The following GALNT17 variants were observed in gnomAD, a reference collection of about 807,000 sequenced individuals.
The protein encoded by GALNT17 is polypeptide N-acetylgalactosaminyltransferase 17.
GALNT17 carries 29 observed loss-of-function variants against 63.7 expected under a neutral mutation model. The observed-to-expected ratio is 0.46, with a 90% CI of 0.34 to 0.62. GALNT17 has a LOEUF of 0.62. GALNT17 is among the 20% of genes least tolerant of loss of function. The pLI is 0.01. For synonymous variants in GALNT17, 305 were observed against 318.3 expected, an observed-to-expected ratio of 0.96 and a Z score of 0.45; for missense variants, 603 against 799.6, an observed-to-expected ratio of 0.75 and a Z score of 2.97.
At chr7:71,255,814 A>G (rs1790278699) in intron 1 of GALNT17, among the ~76,000 whole-genome samples, 1 of 152,156 alleles carries the variant, frequency 6.6e-6, no homozygotes, top group Non-Finnish European at 1.5e-5. Context: ...GACTAGATAC[A>G]TCTGCTGTAA....
intron 2 of GALNT17, among the ~76,000 whole-genome samples, chr7:71,340,860 C>T (rs573546952): frequency 6.6e-6 from 1 of 152,096 alleles, no homozygotes; most frequent in African/African-American, 2.4e-5. Flanking sequence ...ATGGTGAAAC[C>T]CTGTCTCTAC....
At chr7:71,410,666 A>G (rs746539635) in intron 3 of GALNT17, among the ~76,000 whole-genome samples, 6 of 152,230 alleles carry the variant, frequency 3.9e-5, no homozygotes, top group Non-Finnish European at 5.9e-5. Flanking sequence ...ATATCACTGA[A>G]AGTGCGGGAT....
chr7:71,636,248 A>G (rs1420191209), intron 6 of GALNT17, among the ~76,000 whole-genome samples: 1 of 152,204 alleles, frequency 6.6e-6, no homozygotes, highest in African/African-American at 2.4e-5. Flanking sequence ...GTGCTTTAAA[A>G]TCTTGCTGCA....
intron 1 of GALNT17, among the ~76,000 whole-genome samples, chr7:71,291,239 T>C (rs1347374988): frequency 1.3e-5 from 2 of 151,778 alleles, no homozygotes; most frequent in African/African-American, 2.4e-5. Flanking sequence ...TTCTACATCA[T>C]ATATTAATTT....
At chr7:71,315,563 C>A (rs1170943573) in intron 1 of GALNT17, among the ~76,000 whole-genome samples, 1 of 152,134 alleles carries the variant, frequency 6.6e-6, no homozygotes, top group Non-Finnish European at 1.5e-5. Flanking sequence ...CTTGGTGTGC[C>A]TTCCATTATA....
intron 1 of GALNT17, among the ~76,000 whole-genome samples, chr7:71,313,884 G>A (rs1488684944): frequency 1.3e-5 from 2 of 152,080 alleles, no homozygotes; most frequent in Non-Finnish European, 1.5e-5. Context: ...AAATGTGAAG[G>A]GTTGAGTTGC....
At chr7:71,424,121 A>G (rs1455056603) in intron 5 of GALNT17, among the ~76,000 whole-genome samples, 1 of 152,202 alleles carries the variant, frequency 6.6e-6, no homozygotes, top group Non-Finnish European at 1.5e-5. Context: ...TTTCAGGACC[A>G]TATTCTTGGC....
chr7:71,459,955 A>G (rs1787423717), intron 5 of GALNT17, among the ~76,000 whole-genome samples: 1 of 152,206 alleles, frequency 6.6e-6, no homozygotes, highest in East Asian at 1.9e-4. Flanking sequence ...TGTCAACTAG[A>G]AAGTGTTTAA....
chr7:71,401,960 TC>T (rs1239099704), intron 3 of GALNT17, among the ~76,000 whole-genome samples: 2 of 152,196 alleles, frequency 1.3e-5, no homozygotes, highest in Non-Finnish European at 2.9e-5. Flanking sequence ...CCAAAGTTGT[TC>T]CTGGTGCCAA....
intron 6 of GALNT17, among the ~76,000 whole-genome samples, chr7:71,591,138 C>A (rs1249661778): frequency 6.6e-6 from 1 of 152,134 alleles, no homozygotes; most frequent in Non-Finnish European, 1.5e-5. Flanking sequence ...CTCACTGCAA[C>A]CTCCACCTCA....
At chr7:71,171,143 A>G (rs556073576) in intron 1 of GALNT17, among the ~76,000 whole-genome samples, 10 of 152,342 alleles carry the variant, frequency 6.6e-5, no homozygotes, top group African/African-American at 2.2e-4. Flanking sequence ...TTGATTTCCA[A>G]TTACTCAAAA....
intron 6 of GALNT17, among the ~76,000 whole-genome samples, chr7:71,602,032 G>C (rs1685845509): frequency 6.6e-6 from 1 of 152,228 alleles, no homozygotes; most frequent in Non-Finnish European, 1.5e-5. Context: ...ACCCGTGCAA[G>C]ACTGGCCTTT....
At position 71,712,158 on chromosome 7, in the gene GALNT17, T is replaced by TG. The variant is rs748844831; in HGVS notation, c.*16dup. ...ACTCCATCAAGTAGAGGGAGGGAGC[T>TG]GGGGCACTGGAGCCTGGCCCCCAGG... On this transcript the variant is annotated 3_prime_UTR_variant, in exon 11 of 11. Coordinates refer to ENST00000333538, the MANE Select transcript of GALNT17 (RefSeq NM_022479.3). 6.2e-7 allele frequency: 1 copy of TG among 1,609,202 alleles called. No homozygotes were observed. The highest frequency in any genetic ancestry group is 1.1e-5 in the South Asian group (1 of 90,560).
chr7:71,185,224 C>T (rs1788826866), intron 1 of GALNT17, among the ~76,000 whole-genome samples: 1 of 142,306 alleles, frequency 7.0e-6, no homozygotes, highest in Non-Finnish European at 1.5e-5. Flanking sequence ...TCTCTTTCTT[C>T]AGACAGGGTC....
At chr7:71,217,331 GGTA>G (rs1210383135) in intron 1 of GALNT17, among the ~76,000 whole-genome samples, 3 of 151,312 alleles carry the variant, frequency 2.0e-5, no homozygotes, top group African/African-American at 7.3e-5. Context: ...TTCATTTGCG[GGTA>G]TATTGTTGCA....
At chr7:71,622,197 C>A (rs531420254) in intron 6 of GALNT17, among the ~76,000 whole-genome samples, 1 of 152,224 alleles carries the variant, frequency 6.6e-6, no homozygotes, top group Admixed American at 6.5e-5. Flanking sequence ...CTAGAATGGG[C>A]AACATGGCGG....
At chr7:71,534,995 G>T (rs1788781541) in intron 5 of GALNT17, among the ~76,000 whole-genome samples, 1 of 152,080 alleles carries the variant, frequency 6.6e-6, no homozygotes. Context: ...CTTAAATTCT[G>T]TACAAAGAGA....
intron 5 of GALNT17, among the ~76,000 whole-genome samples, chr7:71,487,163 G>A (rs1780943821): frequency 6.6e-6 from 1 of 152,202 alleles, no homozygotes; most frequent in Non-Finnish European, 1.5e-5. Context: ...CCTCTGATCA[G>A]TCTGCTTCCC....
At chr7:71,293,277 T>G (rs189433443) in intron 1 of GALNT17, among the ~76,000 whole-genome samples, 2 of 152,316 alleles carry the variant, frequency 1.3e-5, no homozygotes, top group African/African-American at 4.8e-5. Flanking sequence ...GGGGAACCAC[T>G]ATACTGTTTT....
Sources: gnomAD v4.1 joint callset for allele counts (sites outside exome capture counted in the v4.1 genomes callset) on GRCh38, gnomAD v4.1.1 for gene constraint, MANE v1.5 for transcripts, NCBI Gene and HGNC (gene_info 2026-07-23, HGNC 2026-07-21) for gene names.